FAM167A: variants seen among roughly 807,000 people sequenced by gnomAD.
FAM167A encodes the protein protein FAM167A.
Under a neutral mutation model 14.9 loss-of-function variants are expected in FAM167A, and 23 were observed. The ratio of observed to expected loss-of-function variants is 1.55; its 90% CI spans 1.11 to 2.19. The LOEUF is 2.19. Ranked by LOEUF, FAM167A falls within the 30% of genes most tolerant of loss-of-function variation. The pLI, the probability that FAM167A is intolerant of heterozygous loss-of-function variation, is 0.00. For synonymous variants in FAM167A, 174 were observed against 117.7 expected, an observed-to-expected ratio of 1.48 and a Z score of -3.10; for missense variants, 401 against 281.5, an observed-to-expected ratio of 1.42 and a Z score of -3.04.
intron 1 of FAM167A, among the ~76,000 whole-genome samples, chr8:11,473,537 A>C (rs11250139): frequency 0.011 from 1,735 of 152,108 alleles, 37 homozygotes; most frequent in African/African-American, 0.038. Flanking sequence ...CCTAAAATCA[A>C]CTCTAACCCA....
rs1008782961 is a variant in FAM167A at position 11,445,265 on chromosome 8, C to T, written c.-397-457G>A. 114 of 985,414 alleles carry T rather than the reference C, an allele frequency of 1.2e-4. 1 individual carries two copies. Among genetic ancestry groups the T allele is most frequent in the Non-Finnish European group, 1.3e-4 (105 of 830,026 alleles). The allele number at this position is 985,414 out of a possible 1,614,324, so 61.0% of individuals were successfully genotyped here. A position where few individuals can be genotyped will look rare whatever the true frequency, so the allele number is the denominator to read the frequency against. ...CCCCAGAGCCAGCCAGCAGGGAAACCGCACCCCACACAGGCTAAGGTGGGT... is the reference window on the plus strand; with the variant it reads ...CCCCAGAGCCAGCCAGCAGGGAAACTGCACCCCACACAGGCTAAGGTGGGT... On this transcript the variant is annotated intron_variant, in intron 1 of 2. Coordinates refer to ENST00000284486, the MANE Select transcript of FAM167A (RefSeq NM_053279.3).
rs536547728 is a variant in FAM167A at position 11,436,765 on chromosome 8, G to T, written c.381+7266C>A. Reference sequence around the variant, plus strand: ...TGGGGCACAACTGTTGGGATTTCTGGGCTTTTCTTGGGTTCTCTATCCCCT... The same window carrying T: ...TGGGGCACAACTGTTGGGATTTCTGTGCTTTTCTTGGGTTCTCTATCCCCT... On this transcript the variant is annotated intron_variant, in intron 2 of 2. Coordinates refer to ENST00000284486, the MANE Select transcript of FAM167A (RefSeq NM_053279.3). Among the ~76,000 whole-genome samples the T allele has an allele frequency of 2.0e-5, 3 of 152,206 alleles. No homozygotes were observed. In the East Asian group the frequency reaches 5.8e-4, roughly 29 times the overall value.
intron 2 of FAM167A, chr8:11,433,803 G>C (rs1805788226): frequency 6.6e-6 from 1 of 152,240 alleles, no homozygotes; most frequent in East Asian, 1.9e-4. Flanking sequence ...CCAGCTGTGT[G>C]TGCAGGCCCA....
chr8:11,455,376 T>C (rs937933380), intron 1 of FAM167A, among the ~76,000 whole-genome samples: 4 of 118,364 alleles, frequency 3.4e-5, no homozygotes, highest in Admixed American at 9.3e-5. Context: ...TGTGGGATGG[T>C]TGCCTTGCGT....
At chr8:11,475,021 G>T (rs1023015253) in intron 1 of FAM167A, among the ~76,000 whole-genome samples, 2 of 152,132 alleles carry the variant, frequency 1.3e-5, no homozygotes, top group South Asian at 2.1e-4. Context: ...GCCCATGGGA[G>T]TCCCCTGGAC....
intron 1 of FAM167A, among the ~76,000 whole-genome samples, chr8:11,447,220 C>T (rs1165290003): frequency 5.5e-5 from 8 of 145,202 alleles, no homozygotes; most frequent in Non-Finnish European, 6.0e-5. Context: ...TCACTCTTGT[C>T]ACCCAGGCTG....
chr8:11,421,769 G>A lies in FAM167A; in HGVS notation c.*2604C>T, dbSNP rs563973082. 97 of 399,018 alleles carry A rather than the reference G, an allele frequency of 2.4e-4. No individual in the cohort carries two copies. Among genetic ancestry groups the A allele is most frequent in the South Asian group, 1.3e-3 (10 of 7,848 alleles). The allele number at this position is 399,018 out of a possible 1,614,324, so 24.7% of individuals were successfully genotyped here. On this transcript the variant is annotated 3_prime_UTR_variant, in exon 3 of 3. Coordinates refer to ENST00000284486, the MANE Select transcript of FAM167A (RefSeq NM_053279.3). ...TTTACACCCAGCGATGCTTGGGGAT[G>A]GCAGAGAGATGGATGGATAATGAGT... is the stretch of plus-strand genomic sequence containing the variant.
Position 11,424,142 on chromosome 8 carries a change from T to C in FAM167A, c.*231A>G, listed in dbSNP as rs1331849628. The C allele has an allele frequency of 5.3e-6, 3 of 562,426 alleles. No individual in the cohort carries two copies. Among genetic ancestry groups the C allele is most frequent in the Non-Finnish European group, 6.3e-6 (2 of 317,736 alleles). The allele number at this position is 562,426 out of a possible 1,614,324, so 34.8% of individuals were successfully genotyped here. On this transcript the variant is annotated 3_prime_UTR_variant, in exon 3 of 3. Coordinates refer to ENST00000284486, the MANE Select transcript of FAM167A (RefSeq NM_053279.3). Reference sequence around the variant, plus strand: ...AACATCTTGGTTGGAGCGGCCCTTCTGCAGAGCTCTTTGGGTAGTAAGCAA... The same window carrying C: ...AACATCTTGGTTGGAGCGGCCCTTCCGCAGAGCTCTTTGGGTAGTAAGCAA...
chr8:11,452,988 C>G (rs56223612), intron 1 of FAM167A, among the ~76,000 whole-genome samples: 3 of 152,244 alleles, frequency 2.0e-5, no homozygotes, highest in Non-Finnish European at 2.9e-5. Context: ...GTGATCTCCC[C>G]CCTCTGTCCC....
At chr8:11,453,744 G>A (rs977118092) in intron 1 of FAM167A, among the ~76,000 whole-genome samples, 1 of 152,128 alleles carries the variant, frequency 6.6e-6, no homozygotes, top group East Asian at 1.9e-4. Flanking sequence ...GCTCTGTCTT[G>A]GTTCTGTGCT....
At chr8:11,474,726 A>G (rs1193146788) in intron 1 of FAM167A, 1 of 152,226 alleles carries the variant, frequency 6.6e-6, no homozygotes, top group Non-Finnish European at 1.5e-5. Context: ...ATGTTTCACA[A>G]TCAGCCCTCC....
intron 2 of FAM167A, among the ~76,000 whole-genome samples, chr8:11,426,434 G>A (rs1475205935): frequency 6.6e-6 from 1 of 152,164 alleles, no homozygotes; most frequent in Admixed American, 6.5e-5. Context: ...GTATTTTACA[G>A]AGTTTGTTTT....
At chr8:11,438,219 C>A in intron 2 of FAM167A, 1 of 440,028 alleles carries the variant, frequency 2.3e-6, no homozygotes, top group South Asian at 1.6e-5. Flanking sequence ...CGGTGAGGTG[C>A]TGCTGTGGGG....
intron 1 of FAM167A, among the ~76,000 whole-genome samples, chr8:11,466,020 C>T (rs998301939): frequency 6.6e-6 from 1 of 152,064 alleles, no homozygotes; most frequent in Non-Finnish European, 1.5e-5. Flanking sequence ...AGACACCCTC[C>T]CCCCCGCCGT....
At chr8:11,453,753 C>G (rs1185473707) in intron 1 of FAM167A, among the ~76,000 whole-genome samples, 1 of 152,180 alleles carries the variant, frequency 6.6e-6, no homozygotes, top group Admixed American at 6.5e-5. Context: ...TGGTTCTGTG[C>G]TGTCCTATGA....
chr8:11,429,872 T>A (rs1032728126), intron 2 of FAM167A, among the ~76,000 whole-genome samples: 1 of 152,208 alleles, frequency 6.6e-6, no homozygotes, highest in Admixed American at 6.5e-5. Context: ...TCTCATCTCT[T>A]CTAAGGACAG....
upstream of FAM167A, among the ~76,000 whole-genome samples, chr8:11,469,432 G>A (rs1807886279): frequency 6.6e-6 from 1 of 152,128 alleles, no homozygotes; most frequent in Non-Finnish European, 1.5e-5. Context: ...GGAGGATCTG[G>A]GTGGGCCAGA....
chr8:11,443,298 A>T (rs542997618), intron 2 of FAM167A, among the ~76,000 whole-genome samples: 53 of 152,326 alleles, frequency 3.5e-4, no homozygotes, highest in African/African-American at 1.3e-3. Flanking sequence ...CATGCACAAA[A>T]GATGCTCCTA....
At chr8:11,468,918 G>A (rs1807868163), upstream of FAM167A, among the ~76,000 whole-genome samples, 1 of 152,234 alleles carries the variant, frequency 6.6e-6, no homozygotes, top group Non-Finnish European at 1.5e-5. Flanking sequence ...CAGTGATGGG[G>A]ACCAGGAGGA....
Sources: gnomAD v4.1 joint callset for allele counts (sites outside exome capture counted in the v4.1 genomes callset) on GRCh38, gnomAD v4.1.1 for gene constraint, MANE v1.5 for transcripts, NCBI Gene and HGNC (gene_info 2026-07-23, HGNC 2026-07-21) for gene names.